The following EIF3H variants were observed in gnomAD, a reference collection of about 807,000 sequenced individuals.
EIF3H encodes eIF-3-gamma.
EIF3H carries 26 observed loss-of-function variants against 44.2 expected under a neutral mutation model. The observed-to-expected ratio is 0.59, with a 90% CI of 0.43 to 0.82. EIF3H has a LOEUF of 0.82. Ranked by LOEUF, EIF3H falls within the 40% of genes least tolerant of loss-of-function variation. The pLI, the probability that EIF3H is intolerant of heterozygous loss-of-function variation, is 0.00. For synonymous variants in EIF3H, 166 were observed against 151.9 expected, an observed-to-expected ratio of 1.09 and a Z score of -0.68; for missense variants, 359 against 432.8, an observed-to-expected ratio of 0.83 and a Z score of 1.51.
intron 1 of EIF3H, among the ~76,000 whole-genome samples, chr8:116,745,047 C>A (rs188773308): frequency 1.3e-5 from 2 of 152,288 alleles, no homozygotes; most frequent in East Asian, 3.9e-4. Flanking sequence ...CCAAATTTAT[C>A]ATATACAGAA....
chr8:116,654,925 G>T (rs1813463895), intron 5 of EIF3H, among the ~76,000 whole-genome samples: 1 of 149,866 alleles, frequency 6.7e-6, no homozygotes, highest in African/African-American at 2.5e-5. Flanking sequence ...TTTTTAACAA[G>T]TCTCTATCTA....
chr8:116,645,712 G>A (rs1813284868), intron 7 of EIF3H, among the ~76,000 whole-genome samples: 1 of 152,110 alleles, frequency 6.6e-6, no homozygotes, highest in Non-Finnish European at 1.5e-5. Flanking sequence ...TGGACCTTTG[G>A]GAAGGAATTG....
At chr8:116,764,247 G>T (rs1161448981) in intron 1 of EIF3H, among the ~76,000 whole-genome samples, 1 of 152,052 alleles carries the variant, frequency 6.6e-6, no homozygotes, top group East Asian at 1.9e-4. Context: ...AAATTTCAAT[G>T]AATATTAAAT....
At chr8:116,697,185 T>C (rs1451534657) in intron 2 of EIF3H, 1 of 456,252 alleles carries the variant, frequency 2.2e-6, no homozygotes. Flanking sequence ...CTCCTGTGTG[T>C]GCTTGTCCCT....
intron 1 of EIF3H, among the ~76,000 whole-genome samples, chr8:116,755,143 T>C (rs1032202860): frequency 3.3e-5 from 5 of 152,260 alleles, no homozygotes; most frequent in Non-Finnish European, 5.9e-5. Context: ...GATATTCTTT[T>C]ATGTTTTTCA....
At chr8:116,757,145 C>A (rs1457963604), upstream of EIF3H, among the ~76,000 whole-genome samples, 1 of 152,102 alleles carries the variant, frequency 6.6e-6, no homozygotes, top group Non-Finnish European at 1.5e-5. Context: ...ATTTTTTTGT[C>A]CTTGAAAATA....
At chr8:116,741,456 CAT>C (rs1308671181) in intron 1 of EIF3H, among the ~76,000 whole-genome samples, 20 of 152,166 alleles carry the variant, frequency 1.3e-4, no homozygotes, top group African/African-American at 4.8e-4. Context: ...ATTCTGTATA[CAT>C]ATGTGTGTTT....
intron 2 of EIF3H, among the ~76,000 whole-genome samples, chr8:116,715,188 C>T (rs184371752): frequency 6.6e-6 from 1 of 152,148 alleles, no homozygotes; most frequent in African/African-American, 2.4e-5. Flanking sequence ...ATATTTTAGC[C>T]TCTGAAAGGA....
At chr8:116,738,435 T>C (rs1815078740) in intron 1 of EIF3H, among the ~76,000 whole-genome samples, 1 of 152,190 alleles carries the variant, frequency 6.6e-6, no homozygotes, top group African/African-American at 2.4e-5. Context: ...TGACTCCTCT[T>C]CAACTCTGTG....
intron 2 of EIF3H, among the ~76,000 whole-genome samples, chr8:116,715,196 GGATT>G (rs1234836391): frequency 3.9e-5 from 6 of 151,906 alleles, no homozygotes; most frequent in East Asian, 1.9e-4. Flanking sequence ...GCCTCTGAAA[GGATT>G]GATTCTACAA....
chr8:116,759,601 T>G (rs1815493735), upstream of EIF3H, among the ~76,000 whole-genome samples: 1 of 152,166 alleles, frequency 6.6e-6, no homozygotes, highest in African/African-American at 2.4e-5. Flanking sequence ...AAATGTCATT[T>G]TATTACGATA....
Position 116,725,997 on chromosome 8 carries a change from T to C in EIF3H, c.289+19A>G. 4 of 1,610,022 alleles carry C rather than the reference T, an allele frequency of 2.5e-6. No homozygotes were observed. Among genetic ancestry groups the C allele is most frequent in the Non-Finnish European group, 3.4e-6 (4 of 1,177,744 alleles). ...ATTTGTATGCACTGCAAAGACACAC[T>C]TGTGATGAACACCCTTACCTTCATC... is the stretch of plus-strand genomic sequence containing the variant. On this transcript the variant is annotated intron_variant, in intron 2 of 7. Coordinates refer to ENST00000521861, the MANE Select transcript of EIF3H (RefSeq NM_003756.3).
At chr8:116,755,145 T>A (rs542514739) in intron 1 of EIF3H, among the ~76,000 whole-genome samples, 1 of 152,358 alleles carries the variant, frequency 6.6e-6, no homozygotes, top group East Asian at 1.9e-4. Context: ...TATTCTTTTA[T>A]GTTTTTCAGA....
chr8:116,755,088 G>C (rs1303589729), intron 1 of EIF3H, among the ~76,000 whole-genome samples: 1 of 152,194 alleles, frequency 6.6e-6, no homozygotes, highest in African/African-American at 2.4e-5. Flanking sequence ...GGATGTCCTA[G>C]TTCATGAACC....
intron 1 of EIF3H, among the ~76,000 whole-genome samples, chr8:116,736,719 C>A (rs1343792687): frequency 2.0e-5 from 3 of 152,090 alleles, no homozygotes; most frequent in Non-Finnish European, 2.9e-5. Flanking sequence ...CAAAACTGTA[C>A]ACACTTTAAA....
chr8:116,756,789 T>C (rs1815457185), upstream of EIF3H, among the ~76,000 whole-genome samples: 1 of 152,222 alleles, frequency 6.6e-6, no homozygotes, highest in Non-Finnish European at 1.5e-5. Context: ...TTCAAGTGTA[T>C]ATGAAATATT....
At chr8:116,682,352 A>G (rs1814004028) in intron 2 of EIF3H, among the ~76,000 whole-genome samples, 1 of 152,226 alleles carries the variant, frequency 6.6e-6, no homozygotes, top group Admixed American at 6.5e-5. Flanking sequence ...TGATTGGTAT[A>G]GATCCATTTT....
chr8:116,661,546 T>C (rs576210983), intron 2 of EIF3H, among the ~76,000 whole-genome samples: 61 of 152,272 alleles, frequency 4.0e-4, no homozygotes, highest in Non-Finnish European at 6.2e-4. Flanking sequence ...GAGAACCCAA[T>C]CCCAGTCAAA....
chr8:116,734,810 C>T (rs574985922), intron 1 of EIF3H, among the ~76,000 whole-genome samples: 1 of 152,262 alleles, frequency 6.6e-6, no homozygotes, highest in South Asian at 2.1e-4. Flanking sequence ...TCTACCCACC[C>T]GGGGCCTCCA....
Sources: allele counts gnomAD v4.1 joint callset (sites outside exome capture counted in the v4.1 genomes callset), GRCh38; gene constraint gnomAD v4.1.1; transcripts MANE v1.5; gene names NCBI Gene and HGNC (gene_info 2026-07-23, HGNC 2026-07-21).